ERCC6L: variants seen among roughly 807,000 people sequenced by gnomAD.
ERCC6L encodes the protein ERCC excision repair 6 like, spindle assembly checkpoint helicase, also known as DNA excision repair protein ERCC-6-like.
ERCC6L carries 7 observed loss-of-function variants against 20.1 expected under a neutral mutation model. The observed-to-expected ratio is 0.35, with a 90% CI of 0.20 to 0.65. The LOEUF (loss-of-function observed/expected upper bound fraction) is 0.65, where lower values mean the gene tolerates loss of function less well. Ranked by LOEUF, ERCC6L falls within the 30% of genes least tolerant of loss-of-function variation. ERCC6L has a pLI of 0.69. For synonymous variants in ERCC6L, 278 were observed against 331.3 expected (o/e 0.84, Z 1.75); for missense variants, 592 against 892.4 (o/e 0.66, Z 4.29).
At chrX:72,237,652 T>C (rs1344506850) in intron 1 of ERCC6L, among the ~76,000 whole-genome samples, 1 of 106,098 alleles carries the variant, frequency 9.4e-6, no homozygotes, top group East Asian at 3.0e-4. Context: ...TGGTCCCAGC[T>C]ACTCCGGAAA....
Position 72,205,157 on chromosome X carries a change from C to G in ERCC6L, c.3610G>C (p.Val1204Leu), listed in dbSNP as rs750433514. The G allele has an allele frequency of 8.3e-7, 1 of 1,211,739 alleles. No homozygotes were observed. Among genetic ancestry groups the G allele is most frequent in the Non-Finnish European group, 1.1e-6 (1 of 895,533 alleles). ...TCTTTTAGTTCTTTTCCACGCTTTACAAGAGTCTCATAGTCATTTGTAGCC... is the reference window on the plus strand; with the variant it reads ...TCTTTTAGTTCTTTTCCACGCTTTAGAAGAGTCTCATAGTCATTTGTAGCC... ...AEATNDYETLVKRGKELKECG... is the reference protein window; with the variant it reads ...AEATNDYETLLKRGKELKECG... The change falls in exon 2 of 2, where the codon GTA becomes CTA. Residue 1204 changes from valine to leucine, a missense_variant. Physicochemically the swap from Val to Leu is conservative, Grantham distance 32. Coordinates refer to ENST00000334463, the MANE Select transcript of ERCC6L (RefSeq NM_017669.4).
rs2042807533 is a variant in ERCC6L, at chrX:72,204,998, T to C, written c.*16A>G. On this transcript the variant is annotated 3_prime_UTR_variant, in exon 2 of 2. Transcript: ENST00000334463. ...TATTCAGTTTCACTTTAAAATACAA[T>C]AAACAGGTTACATTCTCAATTGTTA... 8.7e-7 allele frequency: 1 copy of C among 1,145,016 alleles called. No homozygotes were observed. 94.4% of individuals were successfully genotyped at this position (1,145,016 alleles called of 1,213,427 possible).
chrX:72,223,103 G>A (rs772159262), intron 1 of ERCC6L, among the ~76,000 whole-genome samples: 12 of 101,290 alleles, frequency 1.2e-4, no homozygotes, highest in Non-Finnish European at 6.0e-5. Context: ...TTTGGAGGCC[G>A]AGGCAGGCGG....
chrX:72,209,508 C>A (rs1419010448), intron 1 of ERCC6L, among the ~76,000 whole-genome samples: 1 of 112,061 alleles, frequency 8.9e-6, no homozygotes, highest in Non-Finnish European at 1.9e-5. Context: ...TCCTTGACCC[C>A]AACCTAAATA....
chrX:72,217,411 TA>T (rs2042892629), intron 1 of ERCC6L, among the ~76,000 whole-genome samples: 1 of 111,747 alleles, frequency 8.9e-6, no homozygotes, highest in Non-Finnish European at 1.9e-5. Flanking sequence ...CCAAAGCCAA[TA>T]ACCAGATAAT....
At position 72,208,302 on chromosome X, in the gene ERCC6L, A is replaced by G. The variant is rs1485203164; in HGVS notation, c.465T>C (p.Asn155=). 1 of 1,211,870 alleles carries G rather than the reference A, an allele frequency of 8.3e-7. No individual in the cohort carries two copies. Among genetic ancestry groups the G allele is most frequent in the Non-Finnish European group, 1.1e-6 (1 of 895,574 alleles). Residue 155 remains asparagine (N), a synonymous_variant, in exon 2 of 2, where the codon AAT becomes AAC. Transcript: ENST00000334463. ...ATTCTTTTACCCATGTGTTAATAAG[A>G]TTGGTTGGCATGATCAGCAGCACAT... ...VNHVLLIMPT[N]LINTWVKEFI...
chrX:72,236,598 A>G (rs1309824277), intron 1 of ERCC6L, among the ~76,000 whole-genome samples: 1 of 111,939 alleles, frequency 8.9e-6, no homozygotes, highest in Admixed American at 9.5e-5. Context: ...CCAGCCTACA[A>G]AAATCTTTTA....
chrX:72,222,474 G>A (rs929878508), intron 1 of ERCC6L, among the ~76,000 whole-genome samples: 10 of 111,091 alleles, frequency 9.0e-5, no homozygotes, highest in African/African-American at 3.3e-4. Context: ...GGAAACAATG[G>A]CATCAGGCGA....
Position 72,205,794 on chromosome X carries a change from C to A in ERCC6L, c.2973G>T (p.Gly991=), listed in dbSNP as rs1292177416. Residue 991 remains glycine, a synonymous_variant, in exon 2 of 2, where the codon GGG becomes GGT. Transcript: ENST00000334463. ...LCGSAPNSRA[G]FVHSKTCLSW... ...TGAGACATGTTTTGCTATGCACAAA[C>A]CCTGCTCTGGAATTAGGTGCAGAGC... The A allele has an allele frequency of 1.7e-6, 2 of 1,211,983 alleles. No homozygotes were observed. The highest frequency in any genetic ancestry group is 3.0e-5 in the East Asian group (1 of 33,867).
intron 1 of ERCC6L, among the ~76,000 whole-genome samples, chrX:72,219,656 T>G (rs1056673875): frequency 4.6e-5 from 5 of 108,881 alleles, no homozygotes; most frequent in East Asian, 5.8e-4. Flanking sequence ...GAAACCAGCC[T>G]GACCAACATG....
intron 1 of ERCC6L, among the ~76,000 whole-genome samples, chrX:72,210,983 A>G (rs1025857312): frequency 2.7e-5 from 3 of 111,844 alleles, no homozygotes; most frequent in African/African-American, 9.8e-5. Context: ...CTACAATGGA[A>G]TCAGGAGGAA....
chrX:72,205,459 A>G lies in ERCC6L; in HGVS notation c.3308T>C (p.Val1103Ala). The change falls in exon 2 of 2, where the codon GTT becomes GCT. Residue 1103 changes from valine to alanine, a missense_variant. This residue lies in a region of ERCC6L where 352 missense variants were observed against 402.6 expected (regional missense o/e 0.87). Coordinates refer to ENST00000334463, the MANE Select transcript of ERCC6L (RefSeq NM_017669.4). ...LASRRSLINMVLDHVEDMEER... is the reference protein window; with the variant it reads ...LASRRSLINMALDHVEDMEER... The stretch of plus-strand genomic sequence containing the variant: ...CTCCATGTCCTCCACGTGGTCTAAA[A>G]CCATATTAATAAGAGACCTCCTAGA... 8.3e-7 allele frequency: 1 copy of G among 1,211,489 alleles called. No individual in the cohort carries two copies. The highest frequency in any genetic ancestry group is 1.1e-6 in the Non-Finnish European group (1 of 895,462).
At chrX:72,232,630 G>A (rs1602452412) in intron 1 of ERCC6L, among the ~76,000 whole-genome samples, 1 of 111,202 alleles carries the variant, frequency 9.0e-6, no homozygotes. Context: ...CTAACATGAC[G>A]AAACCCCGTT....
chrX:72,222,298 T>A (rs1315933511), intron 1 of ERCC6L, among the ~76,000 whole-genome samples: 2 of 111,908 alleles, frequency 1.8e-5, no homozygotes, highest in African/African-American at 6.5e-5. Flanking sequence ...TAACTTGGCA[T>A]GATATTTATA....
rs1215144132 is a variant in ERCC6L, at chrX:72,205,687, A to C, written c.3080T>G (p.Val1027Gly). 1 of 1,212,008 alleles carries C rather than the reference A, an allele frequency of 8.3e-7. No homozygotes were observed. The change falls in exon 2 of 2, where the codon GTT (valine) becomes GGT (glycine). Residue 1027 changes from valine (V) to glycine (G), a missense_variant. By Grantham distance (109) the Val-to-Gly change is moderately radical (BLOSUM62 -3). Coordinates refer to ENST00000334463, the MANE Select transcript of ERCC6L (RefSeq NM_017669.4). ...AKIRSKARRI[V>G]SDGEDEDDSF... ...ATCATCTTCATCTTCGCCATCTGAAACAATCCTTCTAGCTTTACTTCTGAT... is the reference window on the plus strand; with the variant it reads ...ATCATCTTCATCTTCGCCATCTGAACCAATCCTTCTAGCTTTACTTCTGAT...
chrX:72,232,161 A>G (rs1250194394), intron 1 of ERCC6L, among the ~76,000 whole-genome samples: 1 of 110,002 alleles, frequency 9.1e-6, no homozygotes, highest in African/African-American at 3.3e-5. Context: ...CTTTAAAAAT[A>G]AAATAAAATA....
chrX:72,212,275 A>C (rs192928132), intron 1 of ERCC6L, among the ~76,000 whole-genome samples: 3 of 109,556 alleles, frequency 2.7e-5, no homozygotes, highest in South Asian at 8.0e-4. Flanking sequence ...ATCTCAAAAA[A>C]AATAATAATA....
In ERCC6L at chrX:72,206,494, A is replaced by G; in HGVS notation, c.2273T>C (p.Leu758Pro). 8.3e-7 allele frequency: 1 copy of G among 1,211,673 alleles called. No homozygotes were observed. Among genetic ancestry groups the G allele is most frequent in the Non-Finnish European group, 1.1e-6 (1 of 895,519 alleles). Residue 758 changes from leucine (L) to proline (P), a missense_variant, in exon 2 of 2, where the codon CTA becomes CCA. Leu to Pro is a moderately conservative substitution (Grantham distance 98). Around this residue, in one of 3 missense-constraint regions of ERCC6L, gnomAD observed 352 missense variants for 402.6 expected, o/e 0.87. Transcript: ENST00000334463. Reference sequence around the variant, plus strand: ...TTCTTCCTGAGTATGATGAGTACTTAGAAGAGGTGAAGGCTGAGGCTGTGG... The same window carrying G: ...TTCTTCCTGAGTATGATGAGTACTTGGAAGAGGTGAAGGCTGAGGCTGTGG... ...NKPQPQPSPL[L>P]STHHTQEEDI...
intron 1 of ERCC6L, 101 bp downstream of exon 1, chrX:72,238,743 T>C: frequency 1.3e-6 from 1 of 785,619 alleles, no homozygotes; most frequent in Admixed American, 3.0e-5. Flanking sequence ...CTCAAAAGGC[T>C]CCGCCTCAAC....
Sources: allele counts gnomAD v4.1 joint callset (sites outside exome capture counted in the v4.1 genomes callset), GRCh38; gene constraint gnomAD v4.1.1; regional missense constraint gnomAD v4.1.1; transcripts MANE v1.5; gene names NCBI Gene and HGNC (gene_info 2026-07-23, HGNC 2026-07-21).